Variants in GPATCH11 observed in about 807,000 individuals in gnomAD.
GPATCH11 encodes the protein G patch domain-containing protein 11.
In GPATCH11, 32 loss-of-function variants were observed where a neutral mutation model predicts 44.8. The ratio of observed to expected loss-of-function variants is 0.71; its 90% CI spans 0.54 to 0.96. The LOEUF is 0.96. Among genes scored for constraint, GPATCH11 ranks in the 40% least tolerant of loss-of-function variants. GPATCH11 has a pLI of 0.00. For synonymous variants in GPATCH11, 84 were observed against 94.4 expected (o/e 0.89, Z 0.64); for missense variants, 324 against 303.1 (o/e 1.07, Z -0.51).
chr2:37,095,186 G>A (rs928948030), intron 7 of GPATCH11, among the ~76,000 whole-genome samples: 7 of 152,044 alleles, frequency 4.6e-5, no homozygotes, highest in Non-Finnish European at 8.8e-5. Context: ...TTTTAATAAG[G>A]CCACCCAAAA....
chr2:37,086,486 G>A (rs944267528), intron 1 of GPATCH11, among the ~76,000 whole-genome samples: 6 of 152,102 alleles, frequency 3.9e-5, no homozygotes, highest in Non-Finnish European at 7.4e-5. Context: ...TAGTTGAGAA[G>A]ATATACATTA....
chr2:37,097,988 T>G lies in GPATCH11; in HGVS notation c.*1725T>G, dbSNP rs1298823958. On this transcript the variant is annotated 3_prime_UTR_variant, in exon 9 of 9. Transcript: ENST00000674370. ...TGTATATATATAATATTTATATGTT[T>G]GGATGCTATTGTTTAATATTTACTT... is the stretch of plus-strand genomic sequence containing the variant. 1 of 152,200 alleles carries G rather than the reference T, an allele frequency of 6.6e-6. No homozygotes were observed. The highest frequency in any genetic ancestry group is 6.5e-5 in the Admixed American group (1 of 15,280). 9.4% of individuals were successfully genotyped at this position (152,200 alleles called of 1,614,324 possible).
At chr2:37,093,927 T>C (rs1196641962) in intron 6 of GPATCH11, among the ~76,000 whole-genome samples, 155 bp from the exon 7 acceptor site, 1 of 152,248 alleles carries the variant, frequency 6.6e-6, no homozygotes, top group Non-Finnish European at 1.5e-5. Flanking sequence ...AGTGCTGGGA[T>C]TGCAGGCGTG....
In GPATCH11 at chr2:37,094,147, AG is replaced by A; in HGVS notation, c.607del (p.Glu203LysfsTer15). On this transcript the variant is annotated frameshift_variant, in exon 7 of 9. Transcript: ENST00000674370. LOFTEE classifies it high-confidence loss of function. ...RLEEETEEDE[E>X]EKEQDEDEYK... is the part of the protein sequence containing the mutation. The stretch of plus-strand genomic sequence containing the variant: ...TTGAAGAGGAGACTGAAGAAGATGA[AG>A]AAGAAAAAGAACAGGATGAAGATGA... 6.3e-7 allele frequency: 1 copy of A among 1,582,660 alleles called. No individual in the cohort carries two copies. Among genetic ancestry groups the A allele is most frequent in the Non-Finnish European group, 8.6e-7 (1 of 1,163,276 alleles).
Position 37,089,754 on chromosome 2 carries a change from A to T in GPATCH11, c.174A>T (p.Glu58Asp). Residue 58 changes from glutamate (E) to aspartate (D), a missense_variant, in exon 3 of 9, where the codon GAA becomes GAT. Physicochemically the swap from Glu to Asp is conservative, Grantham distance 45. Coordinates refer to ENST00000674370, the MANE Select transcript of GPATCH11 (RefSeq NM_174931.4). ...LKNRQKSLKE[E>D]EQERRDIGLK... ...ACAGGCAGAAGAGTTTAAAAGAAGA[A>T]GAACAAGAAAGACGTGACATTGGGT... 1 of 1,551,966 alleles carries T rather than the reference A, an allele frequency of 6.4e-7. No individual in the cohort carries two copies. Among genetic ancestry groups the T allele is most frequent in the African/African-American group, 1.4e-5 (1 of 73,180 alleles).
Position 37,095,418 on chromosome 2 carries a change from A to G in GPATCH11, c.655-19A>G. 6.3e-7 allele frequency: 1 copy of G among 1,592,944 alleles called. No individual in the cohort carries two copies. Among genetic ancestry groups the G allele is most frequent in the South Asian group, 1.2e-5 (1 of 86,348 alleles). ...TTCTGTTCAATGTAAAGTATTAATA[A>G]TGTGCTTGTATCCTATAGGTACTGG... On this transcript the variant is annotated intron_variant, in intron 7 of 8. Transcript: ENST00000674370.
intron 8 of GPATCH11, among the ~76,000 whole-genome samples, 185 bp downstream of exon 8, chr2:37,095,703 C>T (rs984380052): frequency 6.6e-6 from 1 of 152,084 alleles, no homozygotes. Context: ...TTTTCAGAAA[C>T]TGAATGTGTG....
chr2:37,084,524 A>C lies in GPATCH11; in HGVS notation c.-60A>C. On this transcript the variant is annotated 5_prime_UTR_variant, in exon 1 of 9. Coordinates refer to ENST00000674370, the MANE Select transcript of GPATCH11 (RefSeq NM_174931.4). ...GACGCTGGTCGGTGGGCGCATGCGC[A>C]GCGCGCGCTCTACGGCGCTGAACCG... 1 of 1,232,618 alleles carries C rather than the reference A, an allele frequency of 8.1e-7. No homozygotes were observed. Among genetic ancestry groups the C allele is most frequent in the Middle Eastern group, 3.1e-4 (1 of 3,206 alleles). 76.4% of individuals were successfully genotyped at this position (1,232,618 alleles called of 1,614,324 possible).
intron 2 of GPATCH11, among the ~76,000 whole-genome samples, chr2:37,088,893 T>C (rs1673173830): frequency 6.6e-6 from 1 of 152,204 alleles, no homozygotes; most frequent in African/African-American, 2.4e-5. Flanking sequence ...TATGTCACCA[T>C]AGAAAGATAC....
intron 1 of GPATCH11, among the ~76,000 whole-genome samples, chr2:37,085,630 C>T (rs891300942): frequency 7.2e-5 from 11 of 152,232 alleles, no homozygotes; most frequent in Non-Finnish European, 1.6e-4. Context: ...TTCTTAGAAC[C>T]AAAAGAGAGT....
chr2:37,087,395 A>C (rs189723138), intron 1 of GPATCH11, among the ~76,000 whole-genome samples: 5 of 152,336 alleles, frequency 3.3e-5, no homozygotes, highest in Admixed American at 6.5e-5. Context: ...AGCAACATTG[A>C]CATTGCCTGT....
rs772333569 is a variant in GPATCH11, at chr2:37,095,543, T to TA, written c.736+30dup. 4.5e-6 allele frequency: 7 copies of TA among 1,553,650 alleles called. No individual in the cohort carries two copies. The Admixed American group carries it at 1.5e-4, about 34-fold the overall frequency. ...GGTAAGAAAATTACTTTATGCTTTT[T>TA]AAAAATAGATGAATGCTCTCCAATT... On this transcript the variant is annotated intron_variant, in intron 8 of 8. Transcript: ENST00000674370.
rs1673545907 is a variant in GPATCH11, at chr2:37,095,759, A to G, written c.736+241A>G. 2.6e-5 allele frequency among the ~76,000 whole-genome samples: 4 copies of G among 152,200 alleles called. No homozygotes were observed. In the South Asian group the frequency reaches 8.3e-4, roughly 32 times the overall value. On this transcript the variant is annotated intron_variant, in intron 8 of 8. Coordinates refer to ENST00000674370, the MANE Select transcript of GPATCH11 (RefSeq NM_174931.4). ...TTGTTTCAAAAGAAACAATTTTAGAATAACCTGAGAATGATGAATGTTTTG... is the reference window on the plus strand; with the variant it reads ...TTGTTTCAAAAGAAACAATTTTAGAGTAACCTGAGAATGATGAATGTTTTG...
At chr2:37,095,656 T>C (rs1673540511) in intron 8 of GPATCH11, 138 bp downstream of exon 8, 1 of 932,138 alleles carries the variant, frequency 1.1e-6, no homozygotes, top group African/African-American at 1.7e-5. Context: ...ATAGTGGATA[T>C]AGAAATAATT....
rs1673616466 is a variant in GPATCH11, at chr2:37,096,945, A to G, written c.*682A>G. 2 of 28,832 alleles carry G rather than the reference A, an allele frequency of 6.9e-5. No individual in the cohort carries two copies. Among genetic ancestry groups the G allele is most frequent in the Non-Finnish European group, 1.3e-4 (1 of 7,758 alleles). 1.8% of individuals were successfully genotyped at this position (28,832 alleles called of 1,614,324 possible). ...TCCATCCAAGCATGAAGAGGAGGGG[A>G]AAAGTATTCCCCTCAATAAGGCTGA... On this transcript the variant is annotated 3_prime_UTR_variant, in exon 9 of 9. Coordinates refer to ENST00000674370, the MANE Select transcript of GPATCH11 (RefSeq NM_174931.4).
chr2:37,087,949 T>C (rs1673126031), intron 1 of GPATCH11, among the ~76,000 whole-genome samples: 1 of 152,048 alleles, frequency 6.6e-6, no homozygotes, highest in Non-Finnish European at 1.5e-5. Flanking sequence ...ACAAAAAACC[T>C]CTGGATGGGG....
In GPATCH11 at chr2:37,098,543, T is replaced by A. The variant is rs1673710722; in HGVS notation, c.*2280T>A. ...AGTTAGACAGGAACTGGCTTCCCTTTCTCCTGTTACTATGAGGACAACCCA... is the reference window on the plus strand; with the variant it reads ...AGTTAGACAGGAACTGGCTTCCCTTACTCCTGTTACTATGAGGACAACCCA... On this transcript the variant is annotated 3_prime_UTR_variant, in exon 9 of 9. Coordinates refer to ENST00000674370, the MANE Select transcript of GPATCH11 (RefSeq NM_174931.4). The A allele has an allele frequency of 1.3e-5, 2 of 152,120 alleles. No homozygotes were observed. Among genetic ancestry groups the A allele is most frequent in the Admixed American group, 1.3e-4 (2 of 15,264 alleles). The allele number at this position is 152,120 out of a possible 1,614,324, so 9.4% of individuals were successfully genotyped here. A position where few individuals can be genotyped will look rare whatever the true frequency, so the allele number is the denominator to read the frequency against.
Position 37,089,624 on chromosome 2 carries a change from C to T in GPATCH11, c.60-16C>T. On this transcript the variant is annotated splice_polypyrimidine_tract_variant and intron_variant, in intron 2 of 8. Coordinates refer to ENST00000674370, the MANE Select transcript of GPATCH11 (RefSeq NM_174931.4). ...ACTTTATGGACTCATCTAAAATAAA[C>T]TTTTCCCTTATTCAGAGAAGATATC... is the stretch of plus-strand genomic sequence containing the variant. The T allele has an allele frequency of 6.9e-7, 1 of 1,447,782 alleles. No individual in the cohort carries two copies. Among genetic ancestry groups the T allele is most frequent in the Non-Finnish European group, 9.4e-7 (1 of 1,058,646 alleles). The allele number at this position is 1,447,782 out of a possible 1,614,324, so 89.7% of individuals were successfully genotyped here.
chr2:37,087,901 G>A (rs750521325), intron 1 of GPATCH11, among the ~76,000 whole-genome samples: 4 of 152,200 alleles, frequency 2.6e-5, no homozygotes, highest in Non-Finnish European at 4.4e-5. Flanking sequence ...GGCTAGTAAC[G>A]TGACCTGACT....
Sources: allele counts gnomAD v4.1 joint callset (sites outside exome capture counted in the v4.1 genomes callset), GRCh38; gene constraint gnomAD v4.1.1; transcripts MANE v1.5; gene names NCBI Gene and HGNC (gene_info 2026-07-23, HGNC 2026-07-21).